The following RASGEF1B variants were observed in gnomAD, a reference collection of about 807,000 sequenced individuals.
RASGEF1B encodes the protein ras-GEF domain-containing family member 1B.
In RASGEF1B, 30 loss-of-function variants were observed where a neutral mutation model predicts 65.7. The observed-to-expected ratio is 0.46, with a 90% CI of 0.34 to 0.62. The LOEUF is 0.62. Among genes scored for constraint, RASGEF1B ranks in the 20% least tolerant of loss-of-function variants. The pLI is 0.01. For synonymous variants in RASGEF1B, 175 were observed against 194.8 expected (o/e 0.90, Z 0.85); for missense variants, 495 against 580.1 (o/e 0.85, Z 1.51).
chr4:81,446,936 G>A (rs1490320988), intron 6 of RASGEF1B, among the ~76,000 whole-genome samples: 1 of 152,212 alleles, frequency 6.6e-6, no homozygotes, highest in African/African-American at 2.4e-5. Context: ...AATTCAAAAT[G>A]CTTCCAGGTC....
chr4:81,458,814 A>G (rs1467107778), intron 2 of RASGEF1B, among the ~76,000 whole-genome samples: 1 of 152,264 alleles, frequency 6.6e-6, no homozygotes, highest in African/African-American at 2.4e-5. Context: ...TCCCTAGATT[A>G]GAAAGTGCTA....
chr4:81,456,193 T>C (rs1722434612), intron 4 of RASGEF1B: 1 of 369,502 alleles, frequency 2.7e-6, no homozygotes, highest in African/African-American at 2.1e-5. Context: ...TTATTTTCTT[T>C]CTGCCATGGC....
chr4:81,461,455 A>G (rs908008611), intron 1 of RASGEF1B, among the ~76,000 whole-genome samples: 2 of 152,152 alleles, frequency 1.3e-5, no homozygotes, highest in African/African-American at 2.4e-5. Flanking sequence ...GGAACCACAC[A>G]TTTTCCTTCA....
chr4:81,459,243 T>G (rs1055263879), intron 2 of RASGEF1B, 89 bp downstream of exon 2: 13 of 967,526 alleles, frequency 1.3e-5, no homozygotes, highest in Non-Finnish European at 1.9e-5. Flanking sequence ...AACCTAGATA[T>G]AATTCTGTAT....
At chr4:81,446,314 A>G (rs758731441) in intron 6 of RASGEF1B, among the ~76,000 whole-genome samples, 1 of 152,220 alleles carries the variant, frequency 6.6e-6, no homozygotes, top group South Asian at 2.1e-4. Context: ...AGGAGGTTGT[A>G]GTGAACCGGG....
At chr4:81,441,189 A>C (rs1721822439) in intron 9 of RASGEF1B, among the ~76,000 whole-genome samples, 1 of 152,164 alleles carries the variant, frequency 6.6e-6, no homozygotes, top group Non-Finnish European at 1.5e-5. Flanking sequence ...CTAATTGTTG[A>C]GCTTAGATGT....
Position 81,432,370 on chromosome 4 carries a change from A to G in RASGEF1B, c.1326T>C (p.Ala442=). ...CACTCTCATAAGAAGCCAAGTAGAGAGCTACAATCAAACAAAAGAAAGTGC... is the reference window on the plus strand; with the variant it reads ...CACTCTCATAAGAAGCCAAGTAGAGGGCTACAATCAAACAAAAGAAAGTGC... ...LLTVPVFSED[A]LYLASYESEG... The change falls in exon 13 of 14, where the codon GCT becomes GCC. Residue 442 remains alanine, a splice_region_variant and synonymous_variant. Transcript: ENST00000264400. 1 of 1,599,902 alleles carries G rather than the reference A, an allele frequency of 6.3e-7. No individual in the cohort carries two copies. The highest frequency in any genetic ancestry group is 8.6e-7 in the Non-Finnish European group (1 of 1,168,064).
In RASGEF1B at chr4:81,434,672, G is replaced by A. The variant is rs768172486; in HGVS notation, c.1167C>T (p.Ala389=). ...KDIYFLNEGC[A]NRLPNGHVNF... is the part of the protein sequence containing the mutation. The stretch of plus-strand genomic sequence containing the variant: ...TGACATGGCCATTGGGAAGGCGGTT[G>A]GCACAACCCTCATTGAGGAAATAAA... Residue 389 remains alanine (A), a synonymous_variant, in exon 11 of 14, where the codon GCC becomes GCT. Transcript: ENST00000264400. 7.5e-6 allele frequency: 12 copies of A among 1,606,346 alleles called. No individual in the cohort carries two copies. The highest frequency in any genetic ancestry group is 8.5e-7 in the Non-Finnish European group (1 of 1,173,166).
At position 81,427,176 on chromosome 4, in the gene RASGEF1B, G is replaced by A. The variant is rs377211449; in HGVS notation, c.*592C>T. 2 of 152,576 alleles carry A rather than the reference G, an allele frequency of 1.3e-5. No homozygotes were observed. The highest frequency in any genetic ancestry group is 4.8e-5 in the African/African-American group (2 of 41,404). The allele number at this position is 152,576 out of a possible 1,614,324, so 9.5% of individuals were successfully genotyped here. On this transcript the variant is annotated 3_prime_UTR_variant, in exon 14 of 14. Coordinates refer to ENST00000264400, the MANE Select transcript of RASGEF1B (RefSeq NM_152545.3). The stretch of plus-strand genomic sequence containing the variant: ...GCCAACTCAAAACCTTGTAGGAGGA[G>A]GGAGGAGAAAAATTTACAACACAGC...
chr4:81,438,053 C>T (rs1285417134), intron 10 of RASGEF1B, among the ~76,000 whole-genome samples: 1 of 152,056 alleles, frequency 6.6e-6, no homozygotes, highest in East Asian at 1.9e-4. Flanking sequence ...GCAACTGCAC[C>T]ATAAGGGTTT....
rs996188144 is a variant in RASGEF1B, at chr4:81,446,112, C to T, written c.730-274G>A. ...TCCTTAGGCCGGGCGTGGTGGCTCA[C>T]GCCTGTAATCCCAACACTTTGGGAG... is the stretch of plus-strand genomic sequence containing the variant. On this transcript the variant is annotated intron_variant, in intron 6 of 13. Transcript: ENST00000264400. 5.3e-5 allele frequency among the ~76,000 whole-genome samples: 8 copies of T among 152,326 alleles called. No homozygotes were observed. The South Asian group carries it at 6.2e-4, about 12-fold the overall frequency.
chr4:81,429,903 C>T (rs546576129), intron 13 of RASGEF1B, among the ~76,000 whole-genome samples: 10 of 152,062 alleles, frequency 6.6e-5, no homozygotes, highest in East Asian at 1.9e-4. Context: ...ACTGGCGGGA[C>T]GAGGCGAAGT....
At position 81,426,981 on chromosome 4, in the gene RASGEF1B, CAAAAAAAAAAAAAAAAA is replaced by C. The variant is rs546907988; in HGVS notation, c.*770_*786del. The C allele has an allele frequency of 1.8e-4, 6 of 34,248 alleles. No homozygotes were observed. The highest frequency in any genetic ancestry group is 3.5e-4 in the African/African-American group (4 of 11,530). The allele number at this position is 34,248 out of a possible 1,614,324, so 2.1% of individuals were successfully genotyped here. A position where few individuals can be genotyped will look rare whatever the true frequency, so the allele number is the denominator to read the frequency against. On this transcript the variant is annotated 3_prime_UTR_variant, in exon 14 of 14. Coordinates refer to ENST00000264400, the MANE Select transcript of RASGEF1B (RefSeq NM_152545.3). ...GTCAGTTGTAAACAGCTCAGAAGAG[CAAAAAAAAAAAAAAAAA>C]AAAAAAAAAAAAGTCCTTCTAGCAT...
intron 4 of RASGEF1B, 109 bp downstream of exon 4, chr4:81,456,542 G>A (rs1266868086): frequency 7.9e-7 from 1 of 1,267,366 alleles, no homozygotes; most frequent in Non-Finnish European, 1.1e-6. Context: ...CTTGCCCAAA[G>A]GCAAAACAGA....
At chr4:81,434,095 G>T (rs1721526596) in intron 11 of RASGEF1B, 132 bp from the exon 12 acceptor site, 2 of 771,810 alleles carry the variant, frequency 2.6e-6, no homozygotes, top group Non-Finnish European at 2.1e-6. Flanking sequence ...TGTCACCAAA[G>T]CTAGAGTGCA....
At position 81,441,417 on chromosome 4, in the gene RASGEF1B, A is replaced by G. The variant is rs188866264; in HGVS notation, c.1009-488T>C. Among the ~76,000 whole-genome samples, 12 of 152,288 alleles carry G rather than the reference A, an allele frequency of 7.9e-5. No homozygotes were observed. The East Asian group carries it at 9.7e-4, about 12-fold the overall frequency. ...ATTATATATATAATGGTAATTTCCAATTTGGGAGAAAACTTGGGAGAGAAC... is the reference window on the plus strand; with the variant it reads ...ATTATATATATAATGGTAATTTCCAGTTTGGGAGAAAACTTGGGAGAGAAC... On this transcript the variant is annotated intron_variant, in intron 9 of 13. Coordinates refer to ENST00000264400, the MANE Select transcript of RASGEF1B (RefSeq NM_152545.3).
At chr4:81,447,927 G>T in intron 5 of RASGEF1B, 142 bp downstream of exon 5, 1 of 679,060 alleles carries the variant, frequency 1.5e-6, no homozygotes, top group African/African-American at 1.8e-5. Context: ...CATAAACAAA[G>T]TATGTTTCAG....
chr4:81,433,769 G>A, intron 12 of RASGEF1B, 71 bp downstream of exon 12: 1 of 1,526,258 alleles, frequency 6.6e-7, no homozygotes. Flanking sequence ...GAGTAACCAA[G>A]CATTTCTATA....
At chr4:81,463,765 C>T (rs1445770279) in intron 1 of RASGEF1B, among the ~76,000 whole-genome samples, 2 of 152,194 alleles carry the variant, frequency 1.3e-5, no homozygotes, top group Non-Finnish European at 2.9e-5. Context: ...TTGTTAACCA[C>T]ACCAAGAGCT....
Sources: allele counts gnomAD v4.1 joint callset (sites outside exome capture counted in the v4.1 genomes callset), GRCh38; gene constraint gnomAD v4.1.1; transcripts MANE v1.5; gene names NCBI Gene and HGNC (gene_info 2026-07-23, HGNC 2026-07-21).